The following PHF21A variants were observed in gnomAD, a reference collection of about 807,000 sequenced individuals.
The protein encoded by PHF21A is BHC80a.
A neutral mutation model predicts 82.5 loss-of-function variants in PHF21A; 11 were observed. That is an observed-to-expected ratio of 0.13 (90% CI 0.08 to 0.22). The LOEUF (loss-of-function observed/expected upper bound fraction) is 0.22, where lower values mean the gene tolerates loss of function less well. PHF21A is among the 10% of genes least tolerant of loss of function. The pLI, the probability that PHF21A is intolerant of heterozygous loss-of-function variation, is 1.00. For synonymous variants in PHF21A, 297 were observed against 302.8 expected (o/e 0.98, Z 0.20); for missense variants, 579 against 837.8 (o/e 0.69, Z 3.81).
chr11:46,021,627 G>A (rs1274804361), intron 6 of PHF21A, among the ~76,000 whole-genome samples: 1 of 151,976 alleles, frequency 6.6e-6, no homozygotes, highest in East Asian at 1.9e-4. Flanking sequence ...TCACTGCCTT[G>A]AACTCTTGGG....
chr11:45,981,201 C>T (rs2094262906), intron 6 of PHF21A, among the ~76,000 whole-genome samples: 1 of 151,878 alleles, frequency 6.6e-6, no homozygotes. Context: ...GCCTGGCCAA[C>T]ATGGTGAAAC....
At chr11:45,977,647 A>G (rs1450402742) in intron 7 of PHF21A, among the ~76,000 whole-genome samples, 1 of 152,208 alleles carries the variant, frequency 6.6e-6, no homozygotes, top group Non-Finnish European at 1.5e-5. Flanking sequence ...TTCTTTCAGA[A>G]CTAATACAAG....
intron 1 of PHF21A, among the ~76,000 whole-genome samples, chr11:46,094,718 G>A (rs532931482): frequency 4.7e-4 from 72 of 151,948 alleles, no homozygotes; most frequent in African/African-American, 1.5e-3. Flanking sequence ...TAATTATTTC[G>A]TAGAAGTCTC....
chr11:46,068,463 G>A (rs1354184914), intron 6 of PHF21A, among the ~76,000 whole-genome samples: 1 of 152,070 alleles, frequency 6.6e-6, no homozygotes, highest in Admixed American at 6.6e-5. Flanking sequence ...AAAAGCATTC[G>A]TTATTCACAC....
At chr11:46,016,031 TTGTATGTGCTATAGTTTTA>T (rs2095511188) in intron 6 of PHF21A, among the ~76,000 whole-genome samples, 1 of 152,190 alleles carries the variant, frequency 6.6e-6, no homozygotes, top group Admixed American at 6.5e-5. Flanking sequence ...CTGTACATAA[TTGTATGTGCTATAGTTTTA>T]TATGACTGGC....
chr11:46,052,783 A>G (rs2096388742), intron 6 of PHF21A, among the ~76,000 whole-genome samples: 1 of 152,126 alleles, frequency 6.6e-6, no homozygotes, highest in South Asian at 2.1e-4. Flanking sequence ...TTTCCCTTTT[A>G]CTTCCAGTTA....
intron 1 of PHF21A, chr11:46,118,165 T>G (rs1053280015): frequency 6.6e-6 from 1 of 152,094 alleles, no homozygotes; most frequent in African/African-American, 2.4e-5. Flanking sequence ...ATAGGCCCCA[T>G]CCATCACTTA....
intron 10 of PHF21A, among the ~76,000 whole-genome samples, chr11:45,962,666 T>A (rs12796678): frequency 0.87 from 105,500 of 121,634 alleles, 46,204 homozygotes; most frequent in East Asian, 0.99. Flanking sequence ...CCAAGGCAGG[T>A]GGGTCGCCTG....
At chr11:45,998,983 C>A (rs560510601) in intron 6 of PHF21A, among the ~76,000 whole-genome samples, 1 of 151,988 alleles carries the variant, frequency 6.6e-6, no homozygotes, top group Non-Finnish European at 1.5e-5. Flanking sequence ...CCTGCCACCA[C>A]GCCTGGCTAA....
rs931746172 is a variant in PHF21A, at chr11:45,962,855, T to C, written c.996+2460A>G. 2.0e-5 allele frequency among the ~76,000 whole-genome samples: 3 copies of C among 151,706 alleles called. No individual in the cohort carries two copies. In the South Asian group the frequency reaches 6.3e-4, roughly 32 times the overall value. ...TTGCAGTGAGCCGGGATCGTGCCAC[T>C]GCACTCCAGCCTGGGCGACAGAGCG... On this transcript the variant is annotated intron_variant, in intron 10 of 18. Transcript: ENST00000676320.
chr11:46,015,872 C>T (rs554192181), intron 6 of PHF21A, among the ~76,000 whole-genome samples: 2 of 150,896 alleles, frequency 1.3e-5, no homozygotes, highest in Non-Finnish European at 2.9e-5. Flanking sequence ...AGGACCTGCC[C>T]GAGGCTATTG....
chr11:46,091,600 G>A (rs746705661), intron 2 of PHF21A, among the ~76,000 whole-genome samples: 5 of 152,120 alleles, frequency 3.3e-5, no homozygotes, highest in Admixed American at 6.5e-5. Context: ...AAATAAACAC[G>A]AGTCCCAAAT....
At chr11:46,095,385 C>G (rs1319308722) in intron 1 of PHF21A, among the ~76,000 whole-genome samples, 1 of 152,130 alleles carries the variant, frequency 6.6e-6, no homozygotes, top group East Asian at 1.9e-4. Flanking sequence ...ACACTTCTAA[C>G]TAAGGTACTT....
intron 6 of PHF21A, among the ~76,000 whole-genome samples, chr11:46,050,395 G>A (rs776088482): frequency 6.6e-6 from 1 of 152,220 alleles, no homozygotes; most frequent in Non-Finnish European, 1.5e-5. Flanking sequence ...CTGTTCTGCT[G>A]ACTGTGAGCA....
Position 45,960,537 on chromosome 11 carries a change from G to A in PHF21A, c.996+4778C>T, listed in dbSNP as rs2093009326. Among the ~76,000 whole-genome samples the A allele has an allele frequency of 4.6e-5, 7 of 152,160 alleles. No homozygotes were observed. In the South Asian group the frequency reaches 1.2e-3, roughly 27 times the overall value. On this transcript the variant is annotated intron_variant, in intron 10 of 18. Transcript: ENST00000676320. ...GACTGGTGATTGCCAGCGGCAGAGG[G>A]CAAAAGTTAAATAATTGCTTAATGG...
chr11:45,943,897 A>C (rs937251581), intron 15 of PHF21A, among the ~76,000 whole-genome samples: 1 of 152,184 alleles, frequency 6.6e-6, no homozygotes, highest in Non-Finnish European at 1.5e-5. Flanking sequence ...GCATACCCTG[A>C]ATCTACTGCT....
intron 3 of PHF21A, among the ~76,000 whole-genome samples, chr11:46,089,429 C>A (rs991210815): frequency 7.2e-5 from 11 of 151,958 alleles, no homozygotes; most frequent in Admixed American, 3.3e-4. Flanking sequence ...CAAATGACAA[C>A]ATTAAAAAAC....
At chr11:46,070,661 G>T (rs1237387651) in intron 6 of PHF21A, among the ~76,000 whole-genome samples, 1 of 152,140 alleles carries the variant, frequency 6.6e-6, no homozygotes, top group African/African-American at 2.4e-5. Flanking sequence ...CAGAGTCAGA[G>T]AAGGAAACTT....
intron 6 of PHF21A, among the ~76,000 whole-genome samples, chr11:46,052,776 C>G (rs890795135): frequency 2.6e-5 from 4 of 152,164 alleles, no homozygotes; most frequent in African/African-American, 9.7e-5. Context: ...TAAATATTTT[C>G]CCTTTTACTT....
Sources: allele counts gnomAD v4.1 joint callset (sites outside exome capture counted in the v4.1 genomes callset), GRCh38; gene constraint gnomAD v4.1.1; transcripts MANE v1.5; gene names NCBI Gene and HGNC (gene_info 2026-07-23, HGNC 2026-07-21).